RPS6KA5: variants seen among roughly 807,000 people sequenced by gnomAD.
RPS6KA5 encodes ribosomal protein S6 kinase alpha-5.
A neutral mutation model predicts 85.5 loss-of-function variants in RPS6KA5; 27 were observed. The observed-to-expected ratio is 0.32, with a 90% CI of 0.23 to 0.44. The LOEUF (loss-of-function observed/expected upper bound fraction) is 0.44, where lower values mean the gene tolerates loss of function less well. Ranked by LOEUF, RPS6KA5 falls within the 20% of genes least tolerant of loss-of-function variation. RPS6KA5 has a pLI of 1.00. For missense variants in RPS6KA5, 811 were observed against 980.9 expected (o/e 0.83, Z 2.31); for synonymous variants, 334 against 348.2 (o/e 0.96, Z 0.46).
intron 2 of RPS6KA5, among the ~76,000 whole-genome samples, chr14:90,995,007 TAG>T (rs2040459602): frequency 6.6e-6 from 1 of 152,216 alleles, no homozygotes; most frequent in African/African-American, 2.4e-5. Flanking sequence ...AATTCATAAG[TAG>T]AATAAACTAA....
intron 5 of RPS6KA5, among the ~76,000 whole-genome samples, chr14:90,938,209 A>G (rs2037379531): frequency 6.6e-6 from 1 of 152,228 alleles, no homozygotes; most frequent in Admixed American, 6.5e-5. Context: ...TAAAGCTCCA[A>G]AATGATCTCC....
chr14:91,032,562 G>A (rs774160078), intron 1 of RPS6KA5, among the ~76,000 whole-genome samples: 2 of 152,114 alleles, frequency 1.3e-5, no homozygotes, highest in Non-Finnish European at 2.9e-5. Context: ...CCAAAATGTG[G>A]TGCTGCATGA....
chr14:91,002,029 A>G (rs553507809), intron 1 of RPS6KA5, among the ~76,000 whole-genome samples: 5 of 152,178 alleles, frequency 3.3e-5, no homozygotes, highest in Non-Finnish European at 7.4e-5. Flanking sequence ...TAACCACAAA[A>G]TTACTTTTTA....
intron 1 of RPS6KA5, among the ~76,000 whole-genome samples, chr14:91,014,501 C>CA (rs535160742): frequency 0.048 from 3,171 of 65,974 alleles, 38 homozygotes; most frequent in Non-Finnish European, 0.065. Context: ...GACTCCATCT[C>CA]AAAAAAAAAA....
intron 1 of RPS6KA5, among the ~76,000 whole-genome samples, chr14:91,048,590 A>C (rs2042957078): frequency 6.6e-6 from 1 of 152,210 alleles, no homozygotes; most frequent in Non-Finnish European, 1.5e-5. Flanking sequence ...TTTTGGAGGA[A>C]TAGCTAGCTA....
chr14:91,036,691 A>C (rs1399850616), intron 1 of RPS6KA5, among the ~76,000 whole-genome samples: 2 of 152,212 alleles, frequency 1.3e-5, no homozygotes, highest in African/African-American at 4.8e-5. Context: ...ACTGGAGCTC[A>C]ATTTTGCCAG....
At chr14:90,941,236 G>A (rs2037555833) in intron 5 of RPS6KA5, among the ~76,000 whole-genome samples, 1 of 151,994 alleles carries the variant, frequency 6.6e-6, no homozygotes. Context: ...TTTAAATGTG[G>A]CATCATTACA....
intron 2 of RPS6KA5, among the ~76,000 whole-genome samples, chr14:90,981,065 G>A (rs2039770590): frequency 6.6e-6 from 1 of 152,178 alleles, no homozygotes; most frequent in Admixed American, 6.5e-5. Flanking sequence ...CAGCTCCTCG[G>A]GAGGCTGAGG....
At chr14:90,985,718 T>G (rs1174414656) in intron 2 of RPS6KA5, among the ~76,000 whole-genome samples, 2 of 152,170 alleles carry the variant, frequency 1.3e-5, no homozygotes, top group Non-Finnish European at 2.9e-5. Context: ...ATACTCCCCT[T>G]TCCCTCTGAA....
chr14:90,909,865 C>T (rs552305342), intron 7 of RPS6KA5, among the ~76,000 whole-genome samples: 5 of 152,180 alleles, frequency 3.3e-5, no homozygotes, highest in Non-Finnish European at 5.9e-5. Context: ...AATTCTCCTG[C>T]CTCAGGTTCA....
chr14:90,902,915 C>T lies in RPS6KA5; in HGVS notation c.1012G>A (p.Val338Ile). The change falls in exon 9 of 17, where the codon GTC becomes ATC. Residue 338 changes from valine to isoleucine, a missense_variant. By Grantham distance (29) the Val-to-Ile change is conservative. Transcript: ENST00000614987. ...CTCACATCTAATTCATCTCGAATGA[C>T]TGGCTTAAATGGTGCAGGCACTTTT... ...AKKVPAPFKP[V>I]IRDELDVSNF... The T allele has an allele frequency of 6.2e-7, 1 of 1,614,052 alleles. No individual in the cohort carries two copies. Among genetic ancestry groups the T allele is most frequent in the Non-Finnish European group, 8.5e-7 (1 of 1,179,984 alleles).
intron 2 of RPS6KA5, among the ~76,000 whole-genome samples, chr14:90,985,634 A>G (rs1050813238): frequency 6.6e-6 from 1 of 152,224 alleles, no homozygotes; most frequent in African/African-American, 2.4e-5. Context: ...AACTTGAACT[A>G]CCACTTAAAA....
At position 90,982,873 on chromosome 14, in the gene RPS6KA5, G is replaced by C. The variant is rs1286071; in HGVS notation, c.176-4349C>G. 8.6e-3 allele frequency among the ~76,000 whole-genome samples: 1,313 copies of C among 152,266 alleles called. 19 individuals carry two copies. Among genetic ancestry groups the C allele is most frequent in the African/African-American group, 0.031 (1,272 of 41,544 alleles). On this transcript the variant is annotated intron_variant, in intron 2 of 16. Coordinates refer to ENST00000614987, the MANE Select transcript of RPS6KA5 (RefSeq NM_004755.4). Reference sequence around the variant, plus strand: ...TCACGCCTGTAATCCCAGCACTTTGGGAGGCCGAGGCGGGCAGATCATGAG... The same window carrying C: ...TCACGCCTGTAATCCCAGCACTTTGCGAGGCCGAGGCGGGCAGATCATGAG...
At chr14:91,038,246 CT>C (rs1365823185) in intron 1 of RPS6KA5, among the ~76,000 whole-genome samples, 1 of 152,156 alleles carries the variant, frequency 6.6e-6, no homozygotes, top group Non-Finnish European at 1.5e-5. Flanking sequence ...TAGGGTCAGA[CT>C]TTGGCCCTGA....
chr14:90,944,303 G>C (rs2037750876), intron 4 of RPS6KA5, among the ~76,000 whole-genome samples: 1 of 152,084 alleles, frequency 6.6e-6, no homozygotes, highest in Admixed American at 6.6e-5. Context: ...TCTTAAAATG[G>C]AAATCAAAAT....
At chr14:90,934,253 T>C (rs1228260891) in intron 5 of RPS6KA5, among the ~76,000 whole-genome samples, 1 of 152,178 alleles carries the variant, frequency 6.6e-6, no homozygotes, top group Non-Finnish European at 1.5e-5. Context: ...TGGAAAAAAT[T>C]ATAAAATTTT....
intron 3 of RPS6KA5, among the ~76,000 whole-genome samples, chr14:90,951,781 T>C (rs1260141938): frequency 6.6e-6 from 1 of 152,180 alleles, no homozygotes; most frequent in East Asian, 1.9e-4. Context: ...ATAAGGGCAT[T>C]ACCCCCAGAG....
chr14:91,011,598 G>C (rs2041261100), intron 1 of RPS6KA5, among the ~76,000 whole-genome samples: 2 of 152,156 alleles, frequency 1.3e-5, no homozygotes, highest in Non-Finnish European at 2.9e-5. Flanking sequence ...CCCTATCATG[G>C]AAATTGCTGT....
At position 90,983,807 on chromosome 14, in the gene RPS6KA5, C is replaced by G. The variant is rs928673123; in HGVS notation, c.176-5283G>C. Among the ~76,000 whole-genome samples, 221 of 126,344 alleles carry G rather than the reference C, an allele frequency of 1.7e-3. 4 individuals carry two copies. The East Asian group carries it at 0.033, about 19-fold the overall frequency. The allele number at this position is 126,344 out of a possible 152,430, so 82.9% of individuals were successfully genotyped here. Reference sequence around the variant, plus strand: ...TTTCTTTCTCTCTCTCTCTCTCTCTCTCTCTCTCTGTCTCTCTCTCTCTCT... The same window carrying G: ...TTTCTTTCTCTCTCTCTCTCTCTCTGTCTCTCTCTGTCTCTCTCTCTCTCT... On this transcript the variant is annotated intron_variant, in intron 2 of 16. Coordinates refer to ENST00000614987, the MANE Select transcript of RPS6KA5 (RefSeq NM_004755.4).
Sources: gnomAD v4.1 joint callset for allele counts (sites outside exome capture counted in the v4.1 genomes callset) on GRCh38, gnomAD v4.1.1 for gene constraint, MANE v1.5 for transcripts, NCBI Gene and HGNC (gene_info 2026-07-23, HGNC 2026-07-21) for gene names.